DMTF1: variants seen among roughly 807,000 people sequenced by gnomAD.
DMTF1 encodes cyclin-D-binding Myb-like transcription factor 1.
Under a neutral mutation model 91.1 loss-of-function variants are expected in DMTF1, and 39 were observed. The observed-to-expected ratio is 0.43, with a 90% CI of 0.33 to 0.56. The LOEUF (loss-of-function observed/expected upper bound fraction) is 0.56. Ranked by LOEUF, DMTF1 falls within the 20% of genes least tolerant of loss-of-function variation. The pLI, the probability that DMTF1 is intolerant of heterozygous loss-of-function variation, is 0.05. For missense variants in DMTF1, 750 were observed against 914.5 expected (o/e 0.82, Z 2.32); for synonymous variants, 338 against 309.5 (o/e 1.09, Z -0.97).
chr7:87,190,790 A>C (rs774195960), intron 13 of DMTF1, 155 bp from the exon 14 acceptor site: 17 of 186,190 alleles, frequency 9.1e-5, no homozygotes, highest in Admixed American at 1.3e-4. Flanking sequence ...TAGATTCCTT[A>C]TCTCTCTTAA....
At chr7:87,153,321 T>A (rs1317302226) in intron 1 of DMTF1, among the ~76,000 whole-genome samples, 1 of 152,180 alleles carries the variant, frequency 6.6e-6, no homozygotes, top group Non-Finnish European at 1.5e-5. Flanking sequence ...ATTACCCTAT[T>A]GTGCCGAGTT....
chr7:87,183,781 A>G (rs987317785), intron 10 of DMTF1, among the ~76,000 whole-genome samples: 16 of 152,278 alleles, frequency 1.1e-4, no homozygotes, highest in East Asian at 1.9e-4. Context: ...ATTTGGGGTT[A>G]TCTATTAGTG....
At chr7:87,171,381 A>G (rs1412814844) in intron 5 of DMTF1, among the ~76,000 whole-genome samples, 1 of 152,206 alleles carries the variant, frequency 6.6e-6, no homozygotes, top group African/African-American at 2.4e-5. Context: ...TTAACTTTAG[A>G]CACAAAATGG....
At chr7:87,164,239 C>G (rs1291286041) in intron 2 of DMTF1, 2 of 152,014 alleles carry the variant, frequency 1.3e-5, no homozygotes, top group East Asian at 3.9e-4. Context: ...AGTTTCATAC[C>G]TTTCCCCCCA....
intron 1 of DMTF1, among the ~76,000 whole-genome samples, chr7:87,156,700 C>G (rs770608719): frequency 6.6e-6 from 1 of 152,082 alleles, no homozygotes; most frequent in Non-Finnish European, 1.5e-5. Flanking sequence ...GAATTTGTTA[C>G]CTATTATCTT....
intron 4 of DMTF1, among the ~76,000 whole-genome samples, chr7:87,169,130 C>T (rs1312335293): frequency 1.3e-5 from 2 of 152,174 alleles, no homozygotes; most frequent in South Asian, 4.1e-4. Flanking sequence ...GTCATTCCCA[C>T]AGTATCACAA....
intron 7 of DMTF1, among the ~76,000 whole-genome samples, chr7:87,176,602 A>G (rs1240432173): frequency 6.6e-6 from 1 of 152,146 alleles, no homozygotes; most frequent in Non-Finnish European, 1.5e-5. Context: ...GGGAAAGGGC[A>G]GATAACCAAG....
At chr7:87,165,929 G>A (rs916038128) in intron 3 of DMTF1, among the ~76,000 whole-genome samples, 1 of 152,070 alleles carries the variant, frequency 6.6e-6, no homozygotes, top group African/African-American at 2.4e-5. Flanking sequence ...TTCTCATCTA[G>A]GTAGCTCTAA....
At chr7:87,163,180 C>CTATGTTCATAT (rs1792937671) in intron 1 of DMTF1, 5 of 150,180 alleles carry the variant, frequency 3.3e-5, no homozygotes, top group Admixed American at 6.6e-5. Flanking sequence ...AATGGTACCA[C>CTATGTTCATAT]AGTCTACAGT....
chr7:87,193,505 AGTGT>A, intron 15 of DMTF1, 152 bp downstream of exon 15: 1 of 856,494 alleles, frequency 1.2e-6, no homozygotes, highest in Admixed American at 2.6e-5. Context: ...CCTTCACTGG[AGTGT>A]ATGTTTCATC....
chr7:87,153,825 T>C (rs1789975654), intron 1 of DMTF1, among the ~76,000 whole-genome samples: 1 of 152,246 alleles, frequency 6.6e-6, no homozygotes, highest in Non-Finnish European at 1.5e-5. Flanking sequence ...CATTTGTAGC[T>C]TTTAAGCTCC....
chr7:87,182,487 A>AT, intron 10 of DMTF1, 150 bp downstream of exon 10: 1 of 700,048 alleles, frequency 1.4e-6, no homozygotes, highest in Non-Finnish European at 2.4e-6. Flanking sequence ...CCTTGAGCTT[A>AT]TTAGATATAT....
At chr7:87,162,146 A>C (rs1792599898) in intron 1 of DMTF1, among the ~76,000 whole-genome samples, 1 of 152,146 alleles carries the variant, frequency 6.6e-6, no homozygotes, top group Non-Finnish European at 1.5e-5. Context: ...GCTCTCACCC[A>C]GACTGCGGCC....
In DMTF1 at chr7:87,175,177, C is replaced by G. The variant is rs560948271; in HGVS notation, c.519+508C>G. Among the ~76,000 whole-genome samples the G allele has an allele frequency of 9.2e-5, 14 of 151,974 alleles. No individual in the cohort carries two copies. In the East Asian group the frequency reaches 2.7e-3, roughly 29 times the overall value. ...CTGGGATTACAGGCATGCACCACCA[C>G]GCCCGGCTAATTTTTATATTTTTAG... On this transcript the variant is annotated intron_variant, in intron 7 of 17. Transcript: ENST00000331242.
intron 10 of DMTF1, among the ~76,000 whole-genome samples, chr7:87,183,424 T>C (rs1023227938): frequency 3.3e-5 from 5 of 152,218 alleles, no homozygotes; most frequent in African/African-American, 1.2e-4. Context: ...TTGATCTGCC[T>C]GCTTCCTTCT....
intron 7 of DMTF1, among the ~76,000 whole-genome samples, chr7:87,178,678 C>A (rs997522180): frequency 1.3e-5 from 2 of 151,808 alleles, no homozygotes; most frequent in South Asian, 2.1e-4. Flanking sequence ...TTAGTGAATG[C>A]GTTTGACCTG....
intron 1 of DMTF1, among the ~76,000 whole-genome samples, chr7:87,161,353 T>A (rs1036126138): frequency 6.6e-6 from 1 of 152,022 alleles, no homozygotes; most frequent in East Asian, 1.9e-4. Context: ...TACCAAAAAA[T>A]TAGCTGGGCA....
At chr7:87,179,483 CATA>C in intron 7 of DMTF1, 59 bp from the exon 8 acceptor site, 1 of 1,338,400 alleles carries the variant, frequency 7.5e-7, no homozygotes, top group Non-Finnish European at 9.7e-7. Context: ...ATTTTAAAAG[CATA>C]GTATATCCAT....
At chr7:87,191,756 C>T (rs1351873480) in intron 14 of DMTF1, among the ~76,000 whole-genome samples, 1 of 152,114 alleles carries the variant, frequency 6.6e-6, no homozygotes, top group Non-Finnish European at 1.5e-5. Flanking sequence ...AAAAGTAGAT[C>T]AGTGGTTTCC....
Sources: gnomAD v4.1 joint callset for allele counts (sites outside exome capture counted in the v4.1 genomes callset) on GRCh38, gnomAD v4.1.1 for gene constraint, MANE v1.5 for transcripts, NCBI Gene and HGNC (gene_info 2026-07-23, HGNC 2026-07-21) for gene names.